Variants in TMEM237 observed in about 807,000 individuals in gnomAD.
The protein encoded by TMEM237 is amyotrophic lateral sclerosis 2 (juvenile) chromosome region, candidate 4.
A neutral mutation model predicts 59.1 loss-of-function variants in TMEM237; 51 were observed. The observed-to-expected ratio is 0.86, with a 90% CI of 0.69 to 1.09. TMEM237 has a LOEUF of 1.09. TMEM237 is among the 50% of genes least tolerant of loss of function. The probability of loss-of-function intolerance (pLI) is 0.00; values close to 1 mark genes in which losing one functional copy is unlikely to be tolerated. For missense variants in TMEM237, 475 were observed against 478.3 expected (o/e 0.99, Z 0.06); for synonymous variants, 140 against 166.1 (o/e 0.84, Z 1.21).
chr2:201,641,598 G>A (rs1687421140), intron 1 of TMEM237, among the ~76,000 whole-genome samples: 1 of 151,018 alleles, frequency 6.6e-6, no homozygotes, highest in Non-Finnish European at 1.5e-5. Flanking sequence ...TAGAAACAAT[G>A]TTAAAAATAT....
chr2:201,640,132 G>T, intron 3 of TMEM237, 129 bp downstream of exon 3: 1 of 716,572 alleles, frequency 1.4e-6, no homozygotes, highest in Non-Finnish European at 2.1e-6. Context: ...AGTCATGGGA[G>T]ATTATTTCAC....
Position 201,627,076 on chromosome 2 carries a change from T to C in TMEM237, c.1037+245A>G, listed in dbSNP as rs1290346778. Among the ~76,000 whole-genome samples the C allele has an allele frequency of 2.4e-5, 3 of 123,438 alleles. No individual in the cohort carries two copies. The East Asian group carries it at 1.0e-3, about 43-fold the overall frequency. 81.0% of individuals were successfully genotyped at this position (123,438 alleles called of 152,430 possible). A position where few individuals can be genotyped will look rare whatever the true frequency, so the allele number is the denominator to read the frequency against. ...GCATGGGTGACACAGCGAGACTCTA[T>C]CTCGAAAAAAAAAAAAACTATAACT... On this transcript the variant is annotated intron_variant, in intron 11 of 12. Coordinates refer to ENST00000409883, the MANE Select transcript of TMEM237 (RefSeq NM_001044385.3).
Position 201,633,425 on chromosome 2 carries a change from T to G in TMEM237, c.281A>C (p.Glu94Ala). 1 of 1,537,554 alleles carries G rather than the reference T, an allele frequency of 6.5e-7. No homozygotes were observed. Among genetic ancestry groups the G allele is most frequent in the Non-Finnish European group, 8.7e-7 (1 of 1,143,490 alleles). Residue 94 changes from glutamate (E) to alanine (A), a missense_variant, in exon 6 of 13, where the codon GAG becomes GCG. Coordinates refer to ENST00000409883, the MANE Select transcript of TMEM237 (RefSeq NM_001044385.3). ...QKKTRLPLEL[E>A]TSSTQKKSSS... ...TGACTTCTTTTGGGTGGAGGAAGTCTCCAATTCTGAAAACAAAATAAATTT... is the reference window on the plus strand; with the variant it reads ...TGACTTCTTTTGGGTGGAGGAAGTCGCCAATTCTGAAAACAAAATAAATTT...
rs1169896498 is a variant in TMEM237, at chr2:201,636,890, A to G, written c.137-5T>C. 2.5e-6 allele frequency: 4 copies of G among 1,592,282 alleles called. No individual in the cohort carries two copies. In the South Asian group the frequency reaches 4.6e-5, roughly 18 times the overall value. On this transcript the variant is annotated splice_polypyrimidine_tract_variant and splice_region_variant and intron_variant, in intron 4 of 12. Transcript: ENST00000409883. ...GGCCTTCCAAAGAAGCACTTGCTAT[A>G]GAAAAACAGAGTAGAAAAAAATGAG...
At position 201,620,811 on chromosome 2, in the gene TMEM237, T is replaced by C. The variant is rs1332210950; in HGVS notation, c.*3444A>G. ...TTTCACGGCCTTCCCCAGCTCTATT[T>C]GTTAGGATTTTTAACACAATGACCA... On this transcript the variant is annotated 3_prime_UTR_variant, in exon 13 of 13. Transcript: ENST00000409883. The C allele has an allele frequency of 6.6e-6, 1 of 152,192 alleles. No homozygotes were observed. Among genetic ancestry groups the C allele is most frequent in the African/African-American group, 2.4e-5 (1 of 41,444 alleles). The allele number at this position is 152,192 out of a possible 1,614,324, so 9.4% of individuals were successfully genotyped here.
At position 201,643,235 on chromosome 2, in the gene TMEM237, C is replaced by T; in HGVS notation, c.42+124G>A. The T allele has an allele frequency of 9.0e-6, 10 of 1,116,360 alleles. No homozygotes were observed. The highest frequency in any genetic ancestry group is 1.3e-5 in the Non-Finnish European group (10 of 784,390). 69.2% of individuals were successfully genotyped at this position (1,116,360 alleles called of 1,614,324 possible). Reference sequence around the variant, plus strand: ...TGGAGGGGCGGATGCGCGCACCCCACGAGCAAGGCCCTCCCTTAGTGATTC... The same window carrying T: ...TGGAGGGGCGGATGCGCGCACCCCATGAGCAAGGCCCTCCCTTAGTGATTC... On this transcript the variant is annotated intron_variant, in intron 1 of 12. Coordinates refer to ENST00000409883, the MANE Select transcript of TMEM237 (RefSeq NM_001044385.3). This position sits in a 1 kb window ranked among gnomAD's most constrained non-coding sequence, Gnocchi z 4.3.
chr2:201,642,838 C>T, intron 1 of TMEM237: 1 of 1,344,334 alleles, frequency 7.4e-7, no homozygotes, highest in Non-Finnish European at 9.5e-7. Context: ...AAGGGGGCCT[C>T]GGAGTTGGGG....
intron 7 of TMEM237, among the ~76,000 whole-genome samples, chr2:201,630,180 C>A (rs1025132539): frequency 3.9e-5 from 6 of 152,112 alleles, no homozygotes; most frequent in Non-Finnish European, 8.8e-5. Flanking sequence ...TTTAACATGA[C>A]CTAGTCTACA....
At chr2:201,638,740 T>C (rs1687350213) in intron 4 of TMEM237, 1 of 511,324 alleles carries the variant, frequency 2.0e-6, no homozygotes, top group Non-Finnish European at 3.4e-6. Context: ...AGGAATATCA[T>C]GGAAATAGGA....
At chr2:201,639,622 C>G (rs1374888339) in intron 3 of TMEM237, among the ~76,000 whole-genome samples, 1 of 152,126 alleles carries the variant, frequency 6.6e-6, no homozygotes, top group Admixed American at 6.6e-5. Context: ...ATGGCAAAAC[C>G]CTGTCTCTAC....
At chr2:201,634,841 T>C in intron 5 of TMEM237, 2 of 434,618 alleles carry the variant, frequency 4.6e-6, no homozygotes, top group Admixed American at 2.6e-5. Flanking sequence ...ACTTTTCTAG[T>C]TCCTGCCCTT....
At chr2:201,627,218 CA>C in intron 11 of TMEM237, 102 bp downstream of exon 11, 1 of 796,376 alleles carries the variant, frequency 1.3e-6, no homozygotes, top group Non-Finnish European at 2.0e-6. Flanking sequence ...TATTTGGAAA[CA>C]AAAACAGAGC....
chr2:201,643,421 GC>G lies in TMEM237; in HGVS notation c.-22del. The stretch of plus-strand genomic sequence containing the variant: ...CTCATGGTGCTCTCCCCGCGGGGCT[GC>G]CCCGGCGCAACCGCCGGCGGCCCGA... On this transcript the variant is annotated 5_prime_UTR_variant, in exon 1 of 13. Coordinates refer to ENST00000409883, the MANE Select transcript of TMEM237 (RefSeq NM_001044385.3). The surrounding 1 kb of genome is among the most constrained non-coding windows in gnomAD (Gnocchi z 4.3). The G allele has an allele frequency of 2.0e-6, 3 of 1,488,978 alleles. No homozygotes were observed. The highest frequency in any genetic ancestry group is 2.3e-5 in the Admixed American group (1 of 43,960). 92.2% of individuals were successfully genotyped at this position (1,488,978 alleles called of 1,614,324 possible).
At chr2:201,624,909 C>A (rs953965620) in intron 12 of TMEM237, among the ~76,000 whole-genome samples, 15 of 152,170 alleles carry the variant, frequency 9.9e-5, no homozygotes, top group African/African-American at 3.6e-4. Flanking sequence ...TTGATCCCAG[C>A]CACAATGTAG....
At chr2:201,629,495 C>T (rs1957789785) in intron 8 of TMEM237, 74 bp from the exon 9 acceptor site, 1 of 1,401,316 alleles carries the variant, frequency 7.1e-7, no homozygotes, top group African/African-American at 1.5e-5. Flanking sequence ...AAAATCTCTT[C>T]ATATACAAGA....
chr2:201,630,323 A>G (rs1057507533), intron 7 of TMEM237, among the ~76,000 whole-genome samples: 2 of 152,226 alleles, frequency 1.3e-5, no homozygotes, highest in African/African-American at 4.8e-5. Flanking sequence ...TTCTGGGATG[A>G]CAGGAAAGAA....
Position 201,643,244 on chromosome 2 carries a change from C to A in TMEM237, c.42+115G>T. ...GGATGCGCGCACCCCACGAGCAAGG[C>A]CCTCCCTTAGTGATTCCCAGCTCGT... On this transcript the variant is annotated intron_variant, in intron 1 of 12. Coordinates refer to ENST00000409883, the MANE Select transcript of TMEM237 (RefSeq NM_001044385.3). The surrounding 1 kb of genome is among the most constrained non-coding windows in gnomAD (Gnocchi z 4.3). 8.5e-7 allele frequency: 1 copy of A among 1,180,426 alleles called. No individual in the cohort carries two copies. The highest frequency in any genetic ancestry group is 1.2e-6 in the Non-Finnish European group (1 of 836,138). The allele number at this position is 1,180,426 out of a possible 1,614,324, so 73.1% of individuals were successfully genotyped here.
Position 201,643,286 on chromosome 2 carries a change from ACACC to A in TMEM237, c.42+69_42+72del. ...CCAGCTCGTTGGCGCCCCCCCACAC[ACACC>A]CACCCCCACTGCCAAGTGTAGCTGT... On this transcript the variant is annotated intron_variant, in intron 1 of 12. Coordinates refer to ENST00000409883, the MANE Select transcript of TMEM237 (RefSeq NM_001044385.3). This position sits in a 1 kb window ranked among gnomAD's most constrained non-coding sequence, Gnocchi z 4.3. 3 of 1,083,348 alleles carry A rather than the reference ACACC, an allele frequency of 2.8e-6. No homozygotes were observed. The highest frequency in any genetic ancestry group is 4.0e-6 in the Non-Finnish European group (3 of 752,002). 67.1% of individuals were successfully genotyped at this position (1,083,348 alleles called of 1,614,324 possible).
rs60167652 is a variant in TMEM237 at position 201,637,744 on chromosome 2, C to CAA, written c.137-861_137-860dup. 8.0e-3 allele frequency among the ~76,000 whole-genome samples: 507 copies of CAA among 63,358 alleles called. 5 individuals carry two copies. The East Asian group carries it at 0.11, about 14-fold the overall frequency. 41.6% of individuals were successfully genotyped at this position (63,358 alleles called of 152,430 possible). A position where few individuals can be genotyped will look rare whatever the true frequency, so the allele number is the denominator to read the frequency against. ...TGGGCAACAGAGCAAGACTCCGTCT[C>CAA]AAAAAAAAAAAAAAAAAATAGAAAT... On this transcript the variant is annotated intron_variant, in intron 4 of 12. Coordinates refer to ENST00000409883, the MANE Select transcript of TMEM237 (RefSeq NM_001044385.3).
Sources: gnomAD v4.1 joint callset for allele counts (sites outside exome capture counted in the v4.1 genomes callset) on GRCh38, gnomAD v4.1.1 for gene constraint, Gnocchi (gnomAD v3.1) non-coding constraint, MANE v1.5 for transcripts, NCBI Gene and HGNC (gene_info 2026-07-23, HGNC 2026-07-21) for gene names.